Variants in PIK3R5 observed in about 807,000 individuals in gnomAD.
PIK3R5 encodes phosphoinositide 3-kinase regulatory subunit 5.
In PIK3R5, 32 loss-of-function variants were observed where a neutral mutation model predicts 94.9. The observed-to-expected ratio is 0.34, with a 90% CI of 0.25 to 0.45. The LOEUF (loss-of-function observed/expected upper bound fraction) is 0.45. PIK3R5 is among the 20% of genes least tolerant of loss of function. PIK3R5 has a pLI of 1.00. For synonymous variants in PIK3R5, 443 were observed against 479.4 expected (o/e 0.92, Z 0.99); for missense variants, 853 against 1,144.6 (o/e 0.75, Z 3.68).
intron 1 of PIK3R5, among the ~76,000 whole-genome samples, chr17:8,920,652 T>C (rs2090723092): frequency 6.6e-6 from 1 of 152,224 alleles, no homozygotes; most frequent in African/African-American, 2.4e-5. Context: ...GTGTCAACTT[T>C]GCAAATTTAG....
In PIK3R5 at chr17:8,896,220, C is replaced by T. The variant is rs140335914; in HGVS notation, c.413-2565G>A. Among the ~76,000 whole-genome samples the T allele has an allele frequency of 1.3e-3, 192 of 152,216 alleles. 1 individual carries two copies. Among genetic ancestry groups the T allele is most frequent in the Middle Eastern group, 6.8e-3 (2 of 294 alleles). ...CATGGGCTTGGTTTTCACAATGTTACCTGGTGATGCCAGGGAGGCCATGAA... is the reference window on the plus strand; with the variant it reads ...CATGGGCTTGGTTTTCACAATGTTATCTGGTGATGCCAGGGAGGCCATGAA... On this transcript the variant is annotated intron_variant, in intron 5 of 18. Transcript: ENST00000447110. This position sits in a 1 kb window ranked among gnomAD's most constrained non-coding sequence, Gnocchi z 4.0.
Position 8,961,527 on chromosome 17 carries a change from C to T in PIK3R5, c.-14+4069G>A, listed in dbSNP as rs146787154. On this transcript the variant is annotated intron_variant, in intron 1 of 18. Transcript: ENST00000447110. ...GCGGGCGCCTGTAACTCCAGCTACT[C>T]GGGAGGCTGAGACAGGAGAATTGCT... Among the ~76,000 whole-genome samples, 1,079 of 152,134 alleles carry T rather than the reference C, an allele frequency of 7.1e-3. 13 individuals carry two copies. The highest frequency in any genetic ancestry group is 0.016 in the African/African-American group (667 of 41,484).
chr17:8,918,865 A>C (rs910760330), intron 1 of PIK3R5, among the ~76,000 whole-genome samples: 1 of 152,246 alleles, frequency 6.6e-6, no homozygotes, highest in Non-Finnish European at 1.5e-5. Flanking sequence ...GCTGTAATGC[A>C]CTGAGAAGGG....
Position 8,908,220 on chromosome 17 carries a change from G to A in PIK3R5, c.204+854C>T, listed in dbSNP as rs2314358. ...TCTTCTCTGCTAGATGAGCCCAGTA[G>A]GCTCAAATTTAGAATCTTCCTTCTC... is the stretch of plus-strand genomic sequence containing the variant. On this transcript the variant is annotated intron_variant, in intron 3 of 18. Transcript: ENST00000447110. 9.4e-4 allele frequency among the ~76,000 whole-genome samples: 143 copies of A among 152,190 alleles called. 6 individuals are homozygous for A. In the South Asian group the frequency reaches 0.022, roughly 23 times the overall value.
At chr17:8,923,153 A>G (rs2090788676) in intron 1 of PIK3R5, among the ~76,000 whole-genome samples, 2 of 152,138 alleles carry the variant, frequency 1.3e-5, no homozygotes. Context: ...CCACTCTAGG[A>G]CACTCTGAAC....
chr17:8,956,862 T>C (rs565854504), intron 1 of PIK3R5, among the ~76,000 whole-genome samples: 1 of 152,298 alleles, frequency 6.6e-6, no homozygotes, highest in Admixed American at 6.5e-5. Context: ...AATTAGTTTA[T>C]TTTACCAAGT....
Position 8,888,468 on chromosome 17 carries a change from G to A in PIK3R5, c.1319C>T (p.Ser440Phe), listed in dbSNP as rs1204060138. ...GTCCGAGCTGCCCTCCAGGCTCCGA[G>A]AGTCCCTCCGCAGTACCAGCTGGCT... ...STSQLVLRRDSRSLEGSSDTA... is the reference protein window; with the variant it reads ...STSQLVLRRDFRSLEGSSDTA... The change falls in exon 10 of 19, where the codon TCT becomes TTT. Residue 440 changes from serine to phenylalanine, a missense_variant. Coordinates refer to ENST00000447110, the MANE Select transcript of PIK3R5 (RefSeq NM_001142633.3). The surrounding 1 kb of genome is among the most constrained non-coding windows in gnomAD (Gnocchi z 7.8). 6.2e-7 allele frequency: 1 copy of A among 1,601,960 alleles called. No homozygotes were observed. Among genetic ancestry groups the A allele is most frequent in the East Asian group, 2.3e-5 (1 of 44,444 alleles).
In PIK3R5 at chr17:8,880,490, C is replaced by T; in HGVS notation, c.*149G>A. Reference sequence around the variant, plus strand: ...AGAACCCTGAGGCCCCAGAAACCCTCTACTCCCAGCCCCTGCTCATTGCAG... The same window carrying T: ...AGAACCCTGAGGCCCCAGAAACCCTTTACTCCCAGCCCCTGCTCATTGCAG... On this transcript the variant is annotated 3_prime_UTR_variant, in exon 19 of 19. Coordinates refer to ENST00000447110, the MANE Select transcript of PIK3R5 (RefSeq NM_001142633.3). The T allele has an allele frequency of 2.6e-6, 2 of 754,950 alleles. No individual in the cohort carries two copies. Among genetic ancestry groups the T allele is most frequent in the Non-Finnish European group, 4.0e-6 (2 of 503,046 alleles). 46.8% of individuals were successfully genotyped at this position (754,950 alleles called of 1,614,324 possible). A position where few individuals can be genotyped will look rare whatever the true frequency, so the allele number is the denominator to read the frequency against.
Position 8,890,626 on chromosome 17 carries a change from T to TG in PIK3R5, c.657+111dup. ...CCAGCCACCACCCTGCCATGTCACC[T>TG]GGGTGCAGGAGACTAAGTGTACCCT... On this transcript the variant is annotated intron_variant, in intron 7 of 18. Coordinates refer to ENST00000447110, the MANE Select transcript of PIK3R5 (RefSeq NM_001142633.3). The surrounding 1 kb of genome is among the most constrained non-coding windows in gnomAD (Gnocchi z 6.1). 1.1e-6 allele frequency: 1 copy of TG among 946,226 alleles called. No individual in the cohort carries two copies. Among genetic ancestry groups the TG allele is most frequent in the Non-Finnish European group, 1.5e-6 (1 of 648,096 alleles). The allele number at this position is 946,226 out of a possible 1,614,324, so 58.6% of individuals were successfully genotyped here.
chr17:8,926,727 T>C (rs1333806904), intron 1 of PIK3R5, among the ~76,000 whole-genome samples: 1 of 152,136 alleles, frequency 6.6e-6, no homozygotes, highest in Non-Finnish European at 1.5e-5. Context: ...GGAGTACAAT[T>C]GGAGATGAGA....
intron 1 of PIK3R5, among the ~76,000 whole-genome samples, chr17:8,956,986 C>T (rs1375933983): frequency 6.6e-6 from 1 of 152,222 alleles, no homozygotes; most frequent in Non-Finnish European, 1.5e-5. Context: ...AGCCAAGGTG[C>T]TTCTGCTGCG....
intron 6 of PIK3R5, among the ~76,000 whole-genome samples, chr17:8,891,597 C>CTT (rs564434517): frequency 1.3e-4 from 18 of 140,600 alleles, no homozygotes; most frequent in East Asian, 2.0e-4. Context: ...GAACCTTTCT[C>CTT]TTTTTTTTTT....
At chr17:8,913,235 G>C (rs985830702) in intron 1 of PIK3R5, among the ~76,000 whole-genome samples, 2 of 152,218 alleles carry the variant, frequency 1.3e-5, no homozygotes, top group African/African-American at 4.8e-5. Flanking sequence ...GCAAATGAGG[G>C]GGAAGAGTAT....
At chr17:8,956,924 AGAGGATGTGGGC>A (rs2091475117) in intron 1 of PIK3R5, among the ~76,000 whole-genome samples, 1 of 152,252 alleles carries the variant, frequency 6.6e-6, no homozygotes, top group Non-Finnish European at 1.5e-5. Context: ...TGCTCCCAGC[AGAGGATGTGGGC>A]GAGGATCCCA....
chr17:8,951,623 C>T (rs1471692339), intron 1 of PIK3R5, among the ~76,000 whole-genome samples: 1 of 152,188 alleles, frequency 6.6e-6, no homozygotes, highest in South Asian at 2.1e-4. Context: ...AATGTATATA[C>T]ACATTTTGTT....
Position 8,909,775 on chromosome 17 carries a change from G to A in PIK3R5, c.104-601C>T, listed in dbSNP as rs1219356672. Among the ~76,000 whole-genome samples the A allele has an allele frequency of 6.6e-6, 1 of 152,214 alleles. No individual in the cohort carries two copies. Among genetic ancestry groups the A allele is most frequent in the Admixed American group, 6.5e-5 (1 of 15,286 alleles). The stretch of plus-strand genomic sequence containing the variant: ...AGCTCACTATGACTCCGCTCCCTGT[G>A]GAAGCACCAGTTCTCCCACAACCTC... On this transcript the variant is annotated intron_variant, in intron 2 of 18. Coordinates refer to ENST00000447110, the MANE Select transcript of PIK3R5 (RefSeq NM_001142633.3). This position sits in a 1 kb window ranked among gnomAD's most constrained non-coding sequence, Gnocchi z 4.3.
chr17:8,905,683 A>T lies in PIK3R5; in HGVS notation c.259T>A (p.Ser87Thr). Residue 87 changes from serine to threonine, a missense_variant, in exon 4 of 19, where the codon TCC (serine) becomes ACC (threonine). Around this residue, in one of 6 missense-constraint regions of PIK3R5, gnomAD observed 108 missense variants for 170.1 expected, o/e 0.63. Transcript: ENST00000447110. Reference protein sequence around the residue: ...LLTPLALLFYSTVLCTPHFPP... With the variant: ...LLTPLALLFYTTVLCTPHFPP... The stretch of plus-strand genomic sequence containing the variant: ...CGTGGACTTACACAAAGAACAGTGG[A>T]ATAGAAGAGCAGGGCCAGCGGGGTG... 6.2e-7 allele frequency: 1 copy of T among 1,605,282 alleles called. No individual in the cohort carries two copies. Among genetic ancestry groups the T allele is most frequent in the Middle Eastern group, 1.7e-4 (1 of 6,038 alleles).
intron 1 of PIK3R5, among the ~76,000 whole-genome samples, chr17:8,959,186 C>T (rs971247054): frequency 1.3e-5 from 2 of 152,172 alleles, no homozygotes; most frequent in Non-Finnish European, 2.9e-5. Context: ...AGGGTTCTCA[C>T]CAGTGAGTCG....
At chr17:8,960,182 A>AT (rs2091536679) in intron 1 of PIK3R5, among the ~76,000 whole-genome samples, 1 of 152,218 alleles carries the variant, frequency 6.6e-6, no homozygotes, top group Non-Finnish European at 1.5e-5. Context: ...CACACATGAG[A>AT]TGTTGAAAAG....
Sources: allele counts gnomAD v4.1 joint callset (sites outside exome capture counted in the v4.1 genomes callset), GRCh38; gene constraint gnomAD v4.1.1; regional missense constraint gnomAD v4.1.1; non-coding constraint Gnocchi (gnomAD v3.1); transcripts MANE v1.5; gene names NCBI Gene and HGNC (gene_info 2026-07-23, HGNC 2026-07-21).